Variants in TCF7L2 observed in about 807,000 individuals in gnomAD.
TCF7L2 encodes transcription factor 7 like 2, also known as transcription factor 7-like 2.
Under a neutral mutation model 77.9 loss-of-function variants are expected in TCF7L2, and 23 were observed. The ratio of observed to expected loss-of-function variants is 0.30; its 90% CI spans 0.21 to 0.42. The LOEUF (loss-of-function observed/expected upper bound fraction) is 0.42, where lower values mean the gene tolerates loss of function less well. TCF7L2 is among the 10% of genes least tolerant of loss of function. TCF7L2 has a pLI of 1.00. For missense variants in TCF7L2, 654 were observed against 793.1 expected (o/e 0.82, Z 2.11); for synonymous variants, 413 against 340.2 (o/e 1.21, Z -2.36).
At chr10:113,015,527 G>A (rs536278460) in intron 4 of TCF7L2, among the ~76,000 whole-genome samples, 27 of 147,110 alleles carry the variant, frequency 1.8e-4, no homozygotes, top group Non-Finnish European at 3.4e-4. Context: ...ACAGTTCACT[G>A]CACACAGCTC....
chr10:113,078,654 T>C (rs1214646557), intron 5 of TCF7L2, among the ~76,000 whole-genome samples: 2 of 152,088 alleles, frequency 1.3e-5, no homozygotes, highest in Non-Finnish European at 2.9e-5. Context: ...ATTACAGGCA[T>C]GAGCCACCAC....
intron 5 of TCF7L2, among the ~76,000 whole-genome samples, chr10:113,136,558 C>T (rs1275755957): frequency 6.6e-6 from 1 of 152,214 alleles, no homozygotes; most frequent in Non-Finnish European, 1.5e-5. Flanking sequence ...TTCGCTGTCA[C>T]TGGCTGTAAT....
intron 5 of TCF7L2, among the ~76,000 whole-genome samples, chr10:113,074,670 T>G (rs1283039379): frequency 6.6e-6 from 1 of 152,176 alleles, no homozygotes; most frequent in Non-Finnish European, 1.5e-5. Flanking sequence ...TGGGATGGTT[T>G]TAATGTTGCT....
At chr10:113,144,949 A>G (rs2069065319) in intron 7 of TCF7L2, among the ~76,000 whole-genome samples, 1 of 152,166 alleles carries the variant, frequency 6.6e-6, no homozygotes, top group Admixed American at 6.5e-5. Flanking sequence ...TGTACTCTGA[A>G]CAACACAGGA....
intron 4 of TCF7L2, among the ~76,000 whole-genome samples, chr10:113,022,133 T>C (rs1184364537): frequency 6.6e-6 from 1 of 152,226 alleles, no homozygotes; most frequent in Non-Finnish European, 1.5e-5. Context: ...TTTTATTTTG[T>C]GCACATTGCA....
intron 4 of TCF7L2, among the ~76,000 whole-genome samples, chr10:113,005,172 T>C (rs1335495182): frequency 6.6e-6 from 1 of 152,246 alleles, no homozygotes; most frequent in African/African-American, 2.4e-5. Flanking sequence ...TTCTTAGCGC[T>C]GAAGACGGTG....
chr10:113,152,635 G>A (rs2071001836), intron 11 of TCF7L2, among the ~76,000 whole-genome samples, 195 bp downstream of exon 11: 1 of 152,186 alleles, frequency 6.6e-6, no homozygotes, highest in Admixed American at 6.5e-5. Context: ...GGTTGGATCA[G>A]CTCACAGTCA....
Position 113,160,831 on chromosome 10 carries a change from T to C in TCF7L2, c.1391+140T>C, listed in dbSNP as rs2073048869. ...GACTAATGATCCTCATTCTTCAAAA[T>C]TTCCTTGCTAATTTTATGCCATTTC... is the stretch of plus-strand genomic sequence containing the variant. On this transcript the variant is annotated intron_variant, in intron 13 of 13. Transcript: ENST00000627217. 2.8e-5 allele frequency: 22 copies of C among 796,514 alleles called. 1 individual carries two copies. In the South Asian group the frequency reaches 4.5e-4, roughly 16 times the overall value. 49.3% of individuals were successfully genotyped at this position (796,514 alleles called of 1,614,324 possible).
intron 5 of TCF7L2, among the ~76,000 whole-genome samples, chr10:113,126,267 A>G (rs2136389128): frequency 6.6e-6 from 1 of 152,358 alleles, no homozygotes; most frequent in African/African-American, 2.4e-5. Context: ...GATGTTGCCA[A>G]GAATTTTGAG....
chr10:112,962,399 CAA>C (rs1164684747), intron 3 of TCF7L2, among the ~76,000 whole-genome samples: 1 of 152,064 alleles, frequency 6.6e-6, no homozygotes, highest in Non-Finnish European at 1.5e-5. Flanking sequence ...CCTCCTCAGA[CAA>C]GAGCTACTTT....
At chr10:113,017,455 T>G (rs1292471175) in intron 4 of TCF7L2, among the ~76,000 whole-genome samples, 1 of 152,254 alleles carries the variant, frequency 6.6e-6, no homozygotes, top group East Asian at 1.9e-4. Flanking sequence ...CCATGCCGTC[T>G]TCTTTGCAAA....
intron 4 of TCF7L2, among the ~76,000 whole-genome samples, chr10:113,022,138 A>G (rs778613800): frequency 2.0e-5 from 3 of 152,084 alleles, no homozygotes; most frequent in Non-Finnish European, 4.4e-5. Flanking sequence ...TTTTGTGCAC[A>G]TTGCAAAACC....
chr10:113,165,572 T>C lies in TCF7L2; in HGVS notation c.1409T>C (p.Val470Ala). 5 of 1,613,864 alleles carry C rather than the reference T, an allele frequency of 3.1e-6. No homozygotes were observed. The highest frequency in any genetic ancestry group is 4.2e-6 in the Non-Finnish European group (5 of 1,179,900). ...GTTTCTAGGAGAAAAAAAAAGTGCG[T>C]TCGCTACATACAAGGTGAAGGCAGC... Residue 470 changes from valine (V) to alanine (A), a missense_variant, in exon 14 of 14, where the codon GTT becomes GCT. Around this residue, in one of 6 missense-constraint regions of TCF7L2, gnomAD observed 272 missense variants for 215.4 expected, o/e 1.26. Transcript: ENST00000627217.
At chr10:113,007,719 G>A (rs902560780) in intron 4 of TCF7L2, among the ~76,000 whole-genome samples, 4 of 152,162 alleles carry the variant, frequency 2.6e-5, no homozygotes, top group African/African-American at 9.7e-5. Context: ...CATTTTCCTT[G>A]GAAGTGTGAA....
chr10:113,073,158 G>A (rs1591347291), intron 5 of TCF7L2, among the ~76,000 whole-genome samples: 1 of 150,850 alleles, frequency 6.6e-6, no homozygotes, highest in East Asian at 1.9e-4. Flanking sequence ...GAGACAGAGA[G>A]AGAGATAGAG....
intron 12 of TCF7L2, among the ~76,000 whole-genome samples, 170 bp downstream of exon 12, chr10:113,158,239 G>T (rs1446873924): frequency 6.6e-6 from 1 of 152,192 alleles, no homozygotes; most frequent in African/African-American, 2.4e-5. Context: ...CTTCATGACT[G>T]CCCTTTTAAA....
chr10:113,111,671 C>G (rs2063146850), intron 5 of TCF7L2, among the ~76,000 whole-genome samples: 1 of 152,034 alleles, frequency 6.6e-6, no homozygotes, highest in Non-Finnish European at 1.5e-5. Flanking sequence ...ATGTGCCCAT[C>G]ACCTCAGCCA....
chr10:113,144,104 G>A (rs968527898), intron 7 of TCF7L2, 79 bp downstream of exon 7: 1 of 70,028 alleles, frequency 1.4e-5, no homozygotes, highest in Non-Finnish European at 2.3e-5. Flanking sequence ...GTGTGTCTGT[G>A]TGTGTGTGTG....
chr10:113,104,830 A>G (rs762619874), intron 5 of TCF7L2, among the ~76,000 whole-genome samples: 1 of 152,156 alleles, frequency 6.6e-6, no homozygotes, highest in African/African-American at 2.4e-5. Context: ...TAAGGCAGAC[A>G]AGACAGTACC....
Sources: allele counts gnomAD v4.1 joint callset (sites outside exome capture counted in the v4.1 genomes callset), GRCh38; gene constraint gnomAD v4.1.1; regional missense constraint gnomAD v4.1.1; transcripts MANE v1.5; gene names NCBI Gene and HGNC (gene_info 2026-07-23, HGNC 2026-07-21).